Variants in TRIO observed in about 807,000 individuals in gnomAD.
TRIO encodes the protein trio Rho guanine nucleotide exchange factor, also known as triple functional domain protein.
In TRIO, 58 loss-of-function variants were observed where a neutral mutation model predicts 351.9. That is an observed-to-expected ratio of 0.16 (90% CI 0.13 to 0.21). The LOEUF is 0.21. Among genes scored for constraint, TRIO ranks in the 10% least tolerant of loss-of-function variants. The pLI is 1.00. For missense variants in TRIO, 3,201 were observed against 4,027.8 expected, an observed-to-expected ratio of 0.79 and a Z score of 5.56; for synonymous variants, 1,758 against 1,595.7, an observed-to-expected ratio of 1.10 and a Z score of -2.42.
intron 4 of TRIO, among the ~76,000 whole-genome samples, chr5:14,288,654 G>A (rs1231488985): frequency 7.4e-6 from 1 of 134,806 alleles, no homozygotes; most frequent in Admixed American, 7.6e-5. Context: ...GCAACAGAGC[G>A]AGATTCCGCC....
At chr5:14,361,297 A>G (rs1039327937) in intron 13 of TRIO, among the ~76,000 whole-genome samples, 1 of 152,218 alleles carries the variant, frequency 6.6e-6, no homozygotes, top group Non-Finnish European at 1.5e-5. Flanking sequence ...CCAGATTAGG[A>G]AACAAAAACA....
intron 1 of TRIO, among the ~76,000 whole-genome samples, chr5:14,262,490 A>G (rs1376348839): frequency 1.3e-5 from 2 of 152,184 alleles, no homozygotes; most frequent in South Asian, 4.1e-4. Flanking sequence ...TGCGGGCACC[A>G]AGAAACCATT....
chr5:14,425,168 A>G (rs1260852658), intron 34 of TRIO, among the ~76,000 whole-genome samples: 1 of 152,182 alleles, frequency 6.6e-6, no homozygotes, highest in African/African-American at 2.4e-5. Context: ...ATTCACATCT[A>G]GAATTCTTTT....
intron 11 of TRIO, among the ~76,000 whole-genome samples, chr5:14,357,185 T>G (rs934968313): frequency 6.6e-6 from 1 of 152,226 alleles, no homozygotes; most frequent in Non-Finnish European, 1.5e-5. Context: ...TTTTGACTTA[T>G]GAGTCTTGAG....
chr5:14,386,157 G>A (rs1322407785), intron 21 of TRIO, among the ~76,000 whole-genome samples: 1 of 152,218 alleles, frequency 6.6e-6, no homozygotes, highest in Admixed American at 6.5e-5. Flanking sequence ...GGTCCAGGGA[G>A]GGCCCGCTAA....
chr5:14,342,062 A>T (rs946876494), intron 11 of TRIO, among the ~76,000 whole-genome samples: 1 of 152,066 alleles, frequency 6.6e-6, no homozygotes, highest in Non-Finnish European at 1.5e-5. Context: ...ACAATTGAGC[A>T]TCCAGTCTTC....
intron 1 of TRIO, among the ~76,000 whole-genome samples, chr5:14,203,748 C>T (rs1791284791): frequency 1.3e-5 from 2 of 152,128 alleles, no homozygotes; most frequent in African/African-American, 4.8e-5. Flanking sequence ...GCTCCCCTGG[C>T]AGTCACCTGC....
At position 14,508,514 on chromosome 5, in the gene TRIO, G is replaced by A; in HGVS notation, c.*92G>A. The A allele has an allele frequency of 6.9e-7, 1 of 1,442,276 alleles. No homozygotes were observed. 89.3% of individuals were successfully genotyped at this position (1,442,276 alleles called of 1,614,324 possible). ...GAAAACAAGCAAACATAACTGATCA[G>A]CTGCCGGTATGTTCATCGTGTGAAA... On this transcript the variant is annotated 3_prime_UTR_variant, in exon 57 of 57. Coordinates refer to ENST00000344204, the MANE Select transcript of TRIO (RefSeq NM_007118.4).
chr5:14,476,828 A>T, intron 40 of TRIO, 66 bp from the exon 41 acceptor site: 1 of 1,368,162 alleles, frequency 7.3e-7, no homozygotes, highest in Non-Finnish European at 1.0e-6. Context: ...GAAAAAATGT[A>T]AACCTAAATC....
intron 15 of TRIO, among the ~76,000 whole-genome samples, chr5:14,365,376 G>A (rs1253668541): frequency 6.6e-6 from 1 of 152,178 alleles, no homozygotes; most frequent in African/African-American, 2.4e-5. Context: ...ATGGTGCCCT[G>A]AAAGATGCAG....
intron 11 of TRIO, among the ~76,000 whole-genome samples, chr5:14,341,170 G>A (rs185831490): frequency 4.6e-5 from 7 of 152,316 alleles, no homozygotes; most frequent in Admixed American, 4.6e-4. Flanking sequence ...TCAGTCCTGT[G>A]TATGGCATTT....
At chr5:14,173,343 T>TGG (rs1285079347) in intron 1 of TRIO, among the ~76,000 whole-genome samples, 1 of 151,832 alleles carries the variant, frequency 6.6e-6, no homozygotes, top group African/African-American at 2.4e-5. Flanking sequence ...CCCGAGTAGC[T>TGG]GGGACTGCAG....
intron 1 of TRIO, among the ~76,000 whole-genome samples, chr5:14,170,379 A>G (rs1441498602): frequency 2.0e-5 from 3 of 152,092 alleles, no homozygotes; most frequent in Non-Finnish European, 4.4e-5. Context: ...GGTAATCTTT[A>G]GTTGCTTGAA....
At chr5:14,352,005 G>C (rs1318368110) in intron 11 of TRIO, among the ~76,000 whole-genome samples, 1 of 152,354 alleles carries the variant, frequency 6.6e-6, no homozygotes, top group East Asian at 1.9e-4. Flanking sequence ...AGCTTTTCAA[G>C]GGGATTTCTT....
At chr5:14,352,222 C>A (rs932285102) in intron 11 of TRIO, among the ~76,000 whole-genome samples, 3 of 152,214 alleles carry the variant, frequency 2.0e-5, no homozygotes, top group African/African-American at 7.2e-5. Context: ...TGCAGATCCC[C>A]TGGGCACCTC....
intron 15 of TRIO, among the ~76,000 whole-genome samples, chr5:14,366,264 A>G (rs767328571): frequency 2.0e-5 from 3 of 152,132 alleles, no homozygotes; most frequent in African/African-American, 7.2e-5. Flanking sequence ...ACACCTTACT[A>G]TCCAGAAGAC....
chr5:14,415,993 C>G (rs1749611339), intron 33 of TRIO, among the ~76,000 whole-genome samples: 1 of 151,560 alleles, frequency 6.6e-6, no homozygotes. Flanking sequence ...ATCCTAAATT[C>G]AATGCATGAG....
At chr5:14,333,752 T>G (rs903178548) in intron 10 of TRIO, among the ~76,000 whole-genome samples, 1 of 152,146 alleles carries the variant, frequency 6.6e-6, no homozygotes, top group African/African-American at 2.4e-5. Context: ...TAGTGGCTCT[T>G]TTTGTCTGCT....
At chr5:14,343,127 G>T (rs1742096220) in intron 11 of TRIO, among the ~76,000 whole-genome samples, 1 of 150,494 alleles carries the variant, frequency 6.6e-6, no homozygotes, top group Non-Finnish European at 1.5e-5. Context: ...TGGACAAGGA[G>T]GTCCCATGCA....
Sources: gnomAD v4.1 joint callset for allele counts (sites outside exome capture counted in the v4.1 genomes callset) on GRCh38, gnomAD v4.1.1 for gene constraint, MANE v1.5 for transcripts, NCBI Gene and HGNC (gene_info 2026-07-23, HGNC 2026-07-21) for gene names.